Variants in LPCAT3 observed in about 807,000 individuals in gnomAD.
LPCAT3 encodes lysophospholipid acyltransferase 5.
A neutral mutation model predicts 63.4 loss-of-function variants in LPCAT3; 21 were observed. The observed-to-expected ratio is 0.33, with a 90% CI of 0.23 to 0.48. LPCAT3 has a LOEUF of 0.48. Ranked by LOEUF, LPCAT3 falls within the 20% of genes least tolerant of loss-of-function variation. The pLI, the probability that LPCAT3 is intolerant of heterozygous loss-of-function variation, is 0.99. For synonymous variants in LPCAT3, 242 were observed against 227.5 expected, an observed-to-expected ratio of 1.06 and a Z score of -0.58; for missense variants, 451 against 590.6, an observed-to-expected ratio of 0.76 and a Z score of 2.45.
chr12:7,015,225 C>T (rs1555157517), intron 1 of LPCAT3, among the ~76,000 whole-genome samples: 1 of 152,202 alleles, frequency 6.6e-6, no homozygotes, highest in African/African-American at 2.4e-5. Flanking sequence ...TTAAAACGTA[C>T]ACTTGAAAAT....
At chr12:6,992,668 CA>C (rs1232281287) in intron 1 of LPCAT3, among the ~76,000 whole-genome samples, 2 of 152,164 alleles carry the variant, frequency 1.3e-5, no homozygotes, top group Non-Finnish European at 2.9e-5. Context: ...TTCTAATACC[CA>C]AATCCACTAG....
rs1206918529 is a variant in LPCAT3, at chr12:6,976,247, C to T, written c.*657G>A. Reference sequence around the variant, plus strand: ...CAGTTCCAAGGTAGAAAAAGTGGAGCAGGCAGGGCCTTGCACCCCTCTCCA... The same window carrying T: ...CAGTTCCAAGGTAGAAAAAGTGGAGTAGGCAGGGCCTTGCACCCCTCTCCA... On this transcript the variant is annotated 3_prime_UTR_variant, in exon 13 of 13. Coordinates refer to ENST00000261407, the MANE Select transcript of LPCAT3 (RefSeq NM_005768.6). 3 of 156,630 alleles carry T rather than the reference C, an allele frequency of 1.9e-5. No homozygotes were observed. Among genetic ancestry groups the T allele is most frequent in the African/African-American group, 7.2e-5 (3 of 41,480 alleles). The allele number at this position is 156,630 out of a possible 1,614,324, so 9.7% of individuals were successfully genotyped here.
At position 6,977,792 on chromosome 12, in the gene LPCAT3, G is replaced by A. The variant is rs915218167; in HGVS notation, c.1041-47C>T. 1 of 1,609,164 alleles carries A rather than the reference G, an allele frequency of 6.2e-7. No homozygotes were observed. Reference sequence around the variant, plus strand: ...GCGACCCTCAAACTGACTGGTCCTTGCATCCCGCCACCTGCCTCTGGGTCC... The same window carrying A: ...GCGACCCTCAAACTGACTGGTCCTTACATCCCGCCACCTGCCTCTGGGTCC... On this transcript the variant is annotated intron_variant, in intron 9 of 12. Coordinates refer to ENST00000261407, the MANE Select transcript of LPCAT3 (RefSeq NM_005768.6). The surrounding 1 kb of genome is among the most constrained non-coding windows in gnomAD (Gnocchi z 4.5).
At chr12:7,015,064 T>A (rs891325871) in intron 1 of LPCAT3, among the ~76,000 whole-genome samples, 4 of 152,210 alleles carry the variant, frequency 2.6e-5, no homozygotes, top group Admixed American at 2.6e-4. Flanking sequence ...GTGTTCTGGG[T>A]CACAATGTAA....
At chr12:6,990,957 A>G (rs1362424929) in intron 1 of LPCAT3, among the ~76,000 whole-genome samples, 1 of 151,708 alleles carries the variant, frequency 6.6e-6, no homozygotes, top group Non-Finnish European at 1.5e-5. Context: ...CTAAAAAAAA[A>G]GTAAAAGATA....
At chr12:7,012,451 T>A (rs782334639) in intron 1 of LPCAT3, among the ~76,000 whole-genome samples, 2 of 152,346 alleles carry the variant, frequency 1.3e-5, no homozygotes, top group African/African-American at 4.8e-5. Context: ...TATAATTACC[T>A]CACGGGTAAC....
rs1946436883 is a variant in LPCAT3 at position 6,978,670 on chromosome 12, C to T, written c.806G>A (p.Arg269His). The T allele has an allele frequency of 1.9e-6, 3 of 1,614,084 alleles. No individual in the cohort carries two copies. The highest frequency in any genetic ancestry group is 1.1e-5 in the South Asian group (1 of 91,074). The change falls in exon 8 of 13, where the codon CGC (arginine) becomes CAC (histidine). Residue 269 changes from arginine to histidine, a missense_variant. Transcript: ENST00000261407. ...EDYDNHPFWF[R>H]CMYMLIWGKF... is the part of the protein sequence containing the mutation. ...GCCCCAGATCAGCATGTACATGCAG[C>T]GGAACCAGAAGGGGTGGTTCTTGAG...
intron 1 of LPCAT3, among the ~76,000 whole-genome samples, chr12:6,992,128 T>C (rs1307553850): frequency 2.0e-5 from 3 of 152,052 alleles, no homozygotes; most frequent in African/African-American, 7.2e-5. Context: ...ATATTTAGCC[T>C]GGGCGACAGA....
At position 6,984,699 on chromosome 12, in the gene LPCAT3, A is replaced by C. The variant is rs138566103; in HGVS notation, c.152-1160T>G. ...CCTCCTGGGCTCAAGTGATCCTCCA[A>C]CTTCAGCCTCTTGAGTAGCTGGGAC... On this transcript the variant is annotated intron_variant, in intron 1 of 12. Transcript: ENST00000261407. 3.3e-4 allele frequency among the ~76,000 whole-genome samples: 50 copies of C among 151,950 alleles called. 1 individual carries two copies. In the East Asian group the frequency reaches 9.5e-3, roughly 29 times the overall value.
chr12:6,987,985 A>G lies in LPCAT3; in HGVS notation c.152-4446T>C, dbSNP rs1946544824. ...TCTTGAACTTTTGGGGTGCTTGGCAATAGTTCCTCTCCCTACTCCTAATTT... is the reference window on the plus strand; with the variant it reads ...TCTTGAACTTTTGGGGTGCTTGGCAGTAGTTCCTCTCCCTACTCCTAATTT... On this transcript the variant is annotated intron_variant, in intron 1 of 12. Transcript: ENST00000261407. The surrounding 1 kb of genome is among the most constrained non-coding windows in gnomAD (Gnocchi z 4.1). 1.5e-5 allele frequency: 6 copies of G among 396,528 alleles called. No individual in the cohort carries two copies. In the Admixed American group the frequency reaches 2.7e-4, roughly 18 times the overall value. The allele number at this position is 396,528 out of a possible 1,614,324, so 24.6% of individuals were successfully genotyped here.
In LPCAT3 at chr12:7,018,225, A is replaced by G. The variant is rs782304297; in HGVS notation, c.151+49T>C. 22 of 1,559,088 alleles carry G rather than the reference A, an allele frequency of 1.4e-5. No individual in the cohort carries two copies. In the South Asian group the frequency reaches 2.6e-4, roughly 18 times the overall value. On this transcript the variant is annotated intron_variant, in intron 1 of 12. Transcript: ENST00000261407. The surrounding 1 kb of genome is among the most constrained non-coding windows in gnomAD (Gnocchi z 4.9). The stretch of plus-strand genomic sequence containing the variant: ...GAGGTCCTGTCCCCATTCCTCCCCT[A>G]CTCCCCGGGGACTCCGCGAGGGGCG...
chr12:6,992,394 T>A (rs781976082), intron 1 of LPCAT3, among the ~76,000 whole-genome samples: 98 of 152,264 alleles, frequency 6.4e-4, no homozygotes, highest in Non-Finnish European at 1.2e-3. Flanking sequence ...CTGTTTTGAT[T>A]GTGAGTGCAT....
chr12:6,981,173 A>G lies in LPCAT3; in HGVS notation c.508T>C (p.Ser170Pro). The G allele has an allele frequency of 6.2e-7, 1 of 1,607,324 alleles. No individual in the cohort carries two copies. The highest frequency in any genetic ancestry group is 8.5e-7 in the Non-Finnish European group (1 of 1,177,342). The change falls in exon 6 of 13, where the codon TCC (serine) becomes CCC (proline). Residue 170 changes from serine (S) to proline (P), a missense_variant. By Grantham distance (74) the Ser-to-Pro change is moderately conservative. This residue lies in a region of LPCAT3 where 304 missense variants were observed against 390.8 expected (regional missense o/e 0.78). Transcript: ENST00000261407. ...ATGGCATATTTCTGTTGCTCAGAGG[A>G]CAAGGAATTCTATGCCAAGAAGAGA... ...FDGGKDQNSL[S>P]SEQQKYAIRG...
intron 1 of LPCAT3, among the ~76,000 whole-genome samples, chr12:6,996,302 T>C (rs1158286571): frequency 6.6e-6 from 1 of 152,198 alleles, no homozygotes; most frequent in Non-Finnish European, 1.5e-5. Flanking sequence ...CTTTGTAAAA[T>C]GTCACCATAA....
rs782016777 is a variant in LPCAT3, at chr12:6,976,913, G to A, written c.*13-22C>T. The stretch of plus-strand genomic sequence containing the variant: ...CCACCTGCAAGACAAGAGGAGTTTG[G>A]AAGGCTGGTTAGTTACTCCTGTAAT... On this transcript the variant is annotated intron_variant, in intron 12 of 12. Coordinates refer to ENST00000261407, the MANE Select transcript of LPCAT3 (RefSeq NM_005768.6). The A allele has an allele frequency of 2.0e-4, 99 of 493,440 alleles. 1 individual carries two copies. Among genetic ancestry groups the A allele is most frequent in the Middle Eastern group, 1.7e-3 (3 of 1,800 alleles). 30.6% of individuals were successfully genotyped at this position (493,440 alleles called of 1,614,324 possible).
At chr12:7,010,858 G>A (rs1049097742) in intron 1 of LPCAT3, among the ~76,000 whole-genome samples, 4 of 152,082 alleles carry the variant, frequency 2.6e-5, no homozygotes, top group Non-Finnish European at 4.4e-5. Flanking sequence ...TATTTTTAGA[G>A]ATGAGGTCTC....
At chr12:6,984,243 G>C (rs1555154534) in intron 1 of LPCAT3, among the ~76,000 whole-genome samples, 1 of 152,224 alleles carries the variant, frequency 6.6e-6, no homozygotes, top group Admixed American at 6.5e-5. Context: ...CTAAAGCCAT[G>C]ATTCAGAGTA....
intron 2 of LPCAT3, 198 bp from the exon 3 acceptor site, chr12:6,982,980 C>G (rs1270901039): frequency 2.4e-5 from 16 of 655,128 alleles, no homozygotes; most frequent in Admixed American, 4.4e-5. Context: ...TATTTCTTTT[C>G]TTTTTTTGTT....
chr12:7,005,095 A>G (rs192825560), intron 1 of LPCAT3, among the ~76,000 whole-genome samples: 1 of 152,168 alleles, frequency 6.6e-6, no homozygotes. Context: ...GCCATTCCCA[A>G]TTCACCCTTC....
Sources: allele counts gnomAD v4.1 joint callset (sites outside exome capture counted in the v4.1 genomes callset), GRCh38; gene constraint gnomAD v4.1.1; regional missense constraint gnomAD v4.1.1; non-coding constraint Gnocchi (gnomAD v3.1); transcripts MANE v1.5; gene names NCBI Gene and HGNC (gene_info 2026-07-23, HGNC 2026-07-21).